The following COL14A1 variants were observed in gnomAD, a reference collection of about 807,000 sequenced individuals.
COL14A1 encodes the protein collagen type XIV alpha 1 chain.
In COL14A1, 136 loss-of-function variants were observed where a neutral mutation model predicts 230.3. The observed-to-expected ratio is 0.59, with a 90% CI of 0.51 to 0.68. The LOEUF is 0.68. COL14A1 is among the 30% of genes least tolerant of loss of function. The pLI is 0.00. For missense variants in COL14A1, 1,976 were observed against 2,215.8 expected, an observed-to-expected ratio of 0.89 and a Z score of 2.17; for synonymous variants, 792 against 784.1, an observed-to-expected ratio of 1.01 and a Z score of -0.17.
chr8:120,366,485 G>A (rs926735580), intron 45 of COL14A1, among the ~76,000 whole-genome samples: 1 of 152,206 alleles, frequency 6.6e-6, no homozygotes, highest in Non-Finnish European at 1.5e-5. Flanking sequence ...CAATATAGGC[G>A]CTCTCACCTT....
At chr8:120,235,716 C>T (rs1037291203) in intron 19 of COL14A1, among the ~76,000 whole-genome samples, 3 of 152,014 alleles carry the variant, frequency 2.0e-5, no homozygotes, top group African/African-American at 7.3e-5. Context: ...GTTAGGATGT[C>T]GATTTTGGAT....
In COL14A1 at chr8:120,271,186, A is replaced by G. The variant is rs958221667; in HGVS notation, c.3213+1012A>G. Reference sequence around the variant, plus strand: ...GGAGCTAAACATCGAGTACATGTAGACACAAAGAAGGGAAGAGCAAACACC... The same window carrying G: ...GGAGCTAAACATCGAGTACATGTAGGCACAAAGAAGGGAAGAGCAAACACC... On this transcript the variant is annotated intron_variant, in intron 26 of 47. Transcript: ENST00000297848. Among the ~76,000 whole-genome samples, 5 of 151,688 alleles carry G rather than the reference A, an allele frequency of 3.3e-5. No individual in the cohort carries two copies. In the East Asian group the frequency reaches 7.8e-4, roughly 24 times the overall value.
Position 120,125,139 on chromosome 8 carries a change from G to C in COL14A1, c.-239G>C, listed in dbSNP as rs1814280845. On this transcript the variant is annotated 5_prime_UTR_variant, in exon 1 of 48. Coordinates refer to ENST00000297848, the MANE Select transcript of COL14A1 (RefSeq NM_021110.4). ...TCCTGGGCTCCCAGCTGGAGAGGCG[G>C]AGGCAGCTCCAGGGGGCTGGAAGTG... 1 of 152,638 alleles carries C rather than the reference G, an allele frequency of 6.6e-6. No individual in the cohort carries two copies. The highest frequency in any genetic ancestry group is 2.4e-5 in the African/African-American group (1 of 41,598). The allele number at this position is 152,638 out of a possible 1,614,324, so 9.5% of individuals were successfully genotyped here.
intron 26 of COL14A1, among the ~76,000 whole-genome samples, chr8:120,272,923 C>A (rs533079503): frequency 1.2e-3 from 177 of 151,868 alleles, no homozygotes; most frequent in Middle Eastern, 3.4e-3. Flanking sequence ...TGGTCTCAAA[C>A]TACACTCTAG....
chr8:120,300,921 C>G, intron 36 of COL14A1, 103 bp downstream of exon 36: 1 of 878,330 alleles, frequency 1.1e-6, no homozygotes, highest in South Asian at 1.6e-5. Flanking sequence ...GGCTATTACT[C>G]ACTTAATTGT....
At chr8:120,264,881 C>G (rs1175682155) in intron 24 of COL14A1, among the ~76,000 whole-genome samples, 1 of 152,018 alleles carries the variant, frequency 6.6e-6, no homozygotes, top group Non-Finnish European at 1.5e-5. Context: ...TGTTTAGGAC[C>G]CCTGATCTAC....
intron 40 of COL14A1, among the ~76,000 whole-genome samples, chr8:120,317,844 T>C (rs1563735006): frequency 6.6e-6 from 1 of 152,224 alleles, no homozygotes; most frequent in African/African-American, 2.4e-5. Context: ...TGATAAGATA[T>C]GTGTAATTAG....
At chr8:120,148,144 CTT>C (rs59311466) in intron 2 of COL14A1, among the ~76,000 whole-genome samples, 34 of 122,916 alleles carry the variant, frequency 2.8e-4, no homozygotes, top group South Asian at 5.4e-4. Flanking sequence ...ATAGGTCATT[CTT>C]TTTTTTTTTT....
At position 120,280,722 on chromosome 8, in the gene COL14A1, G is replaced by A. The variant is rs1301955253; in HGVS notation, c.3658G>A (p.Val1220Ile). The A allele has an allele frequency of 1.2e-6, 2 of 1,613,330 alleles. No individual in the cohort carries two copies. The highest frequency in any genetic ancestry group is 1.7e-5 in the Admixed American group (1 of 59,902). ...CETASATCPV[V>I]HKDGIDLAGF... ...GTTTGGTTTTCCAGCCTGTCCAGTG[G>A]TACACAAGGATGGCATTGATCTTGC... Residue 1220 changes from valine to isoleucine, a missense_variant, in exon 30 of 48, where the codon GTA becomes ATA. Coordinates refer to ENST00000297848, the MANE Select transcript of COL14A1 (RefSeq NM_021110.4).
At chr8:120,302,357 G>T (rs1159050127) in intron 36 of COL14A1, among the ~76,000 whole-genome samples, 3 of 151,998 alleles carry the variant, frequency 2.0e-5, no homozygotes, top group Non-Finnish European at 2.9e-5. Flanking sequence ...TGTCTTCCAG[G>T]GTTTTTATAG....
intron 47 of COL14A1, chr8:120,370,725 C>G: frequency 2.9e-6 from 4 of 1,400,312 alleles, no homozygotes; most frequent in Non-Finnish European, 3.8e-6. Flanking sequence ...CCTCCTTCCT[C>G]TCCCCACACA....
intron 22 of COL14A1, among the ~76,000 whole-genome samples, chr8:120,251,629 G>A (rs943377777): frequency 6.6e-5 from 10 of 152,044 alleles, no homozygotes; most frequent in Admixed American, 2.0e-4. Context: ...TTATACCTCC[G>A]CATGATCTGT....
At chr8:120,300,113 T>G (rs1163881326) in intron 35 of COL14A1, among the ~76,000 whole-genome samples, 1 of 152,074 alleles carries the variant, frequency 6.6e-6, no homozygotes, top group Non-Finnish European at 1.5e-5. Context: ...TAATCTATTT[T>G]GTAATGTCAC....
intron 5 of COL14A1, among the ~76,000 whole-genome samples, chr8:120,193,248 T>C (rs150013578): frequency 0.017 from 2,573 of 152,340 alleles, 39 homozygotes; most frequent in Middle Eastern, 0.041. Flanking sequence ...TTCTGTTTGT[T>C]AGTTTTCCTT....
At chr8:120,174,921 A>G (rs1054875663) in intron 5 of COL14A1, among the ~76,000 whole-genome samples, 5 of 152,148 alleles carry the variant, frequency 3.3e-5, no homozygotes, top group African/African-American at 1.2e-4. Context: ...CTCCACCCCA[A>G]CCAGGTCGTT....
chr8:120,326,719 T>C (rs906170023), intron 40 of COL14A1, among the ~76,000 whole-genome samples: 1 of 152,104 alleles, frequency 6.6e-6, no homozygotes, highest in Non-Finnish European at 1.5e-5. Context: ...TAACTCACAG[T>C]AGACTTAAAA....
At chr8:120,285,627 A>C (rs1463765689) in intron 32 of COL14A1, among the ~76,000 whole-genome samples, 1 of 152,132 alleles carries the variant, frequency 6.6e-6, no homozygotes, top group South Asian at 2.1e-4. Flanking sequence ...CAGAGGTAAG[A>C]GTATGTGTAG....
chr8:120,341,196 G>A (rs1323482827), intron 42 of COL14A1, 129 bp from the exon 43 acceptor site: 5 of 861,740 alleles, frequency 5.8e-6, no homozygotes, highest in Non-Finnish European at 9.6e-6. Flanking sequence ...CTGTTGTTGT[G>A]TAATGATTTT....
In COL14A1 at chr8:120,285,845, A is replaced by G; in HGVS notation, c.3968-16A>G. On this transcript the variant is annotated splice_polypyrimidine_tract_variant and intron_variant, in intron 32 of 47. Transcript: ENST00000297848. ...CTTTAATTATTTCTAAAATATTTTT[A>G]TTTTTCTTTCAATAGATGGTGGGAA... is the stretch of plus-strand genomic sequence containing the variant. 1 of 1,477,914 alleles carries G rather than the reference A, an allele frequency of 6.8e-7. No individual in the cohort carries two copies. The highest frequency in any genetic ancestry group is 2.1e-5 in the Admixed American group (1 of 48,224). 91.6% of individuals were successfully genotyped at this position (1,477,914 alleles called of 1,614,324 possible).
Sources: allele counts gnomAD v4.1 joint callset (sites outside exome capture counted in the v4.1 genomes callset), GRCh38; gene constraint gnomAD v4.1.1; transcripts MANE v1.5; gene names NCBI Gene and HGNC (gene_info 2026-07-23, HGNC 2026-07-21).